MAGI1: variants seen among roughly 807,000 people sequenced by gnomAD.
MAGI1 encodes membrane-associated guanylate kinase, WW and PDZ domain-containing protein 1.
A neutral mutation model predicts 139.9 loss-of-function variants in MAGI1; 58 were observed. That is an observed-to-expected ratio of 0.41 (90% CI 0.34 to 0.52). The LOEUF (loss-of-function observed/expected upper bound fraction) is 0.52, where lower values mean the gene tolerates loss of function less well. Ranked by LOEUF, MAGI1 falls within the 20% of genes least tolerant of loss-of-function variation. MAGI1 has a pLI of 0.12. For synonymous variants in MAGI1, 812 were observed against 737.9 expected, an observed-to-expected ratio of 1.10 and a Z score of -1.63; for missense variants, 1,874 against 1,901.6, an observed-to-expected ratio of 0.99 and a Z score of 0.27.
chr3:65,791,556 G>T (rs1246046650), intron 1 of MAGI1, among the ~76,000 whole-genome samples: 2 of 152,180 alleles, frequency 1.3e-5, no homozygotes, highest in African/African-American at 4.8e-5. Context: ...AAGAGAAAGG[G>T]AGGGAGGAGA....
intron 14 of MAGI1, among the ~76,000 whole-genome samples, chr3:65,384,571 C>CA (rs1331726085): frequency 1.3e-5 from 2 of 151,940 alleles, no homozygotes; most frequent in African/African-American, 4.8e-5. Flanking sequence ...CTTGTCTCTA[C>CA]AAAAAATAAA....
At chr3:65,650,431 A>G (rs886980728) in intron 1 of MAGI1, among the ~76,000 whole-genome samples, 1 of 152,214 alleles carries the variant, frequency 6.6e-6, no homozygotes, top group African/African-American at 2.4e-5. Context: ...GCACATCCAT[A>G]TCATGGAATA....
At chr3:65,880,632 C>T (rs528834759) in intron 1 of MAGI1, among the ~76,000 whole-genome samples, 4 of 152,158 alleles carry the variant, frequency 2.6e-5, no homozygotes, top group Admixed American at 6.5e-5. Context: ...TAGCATTCCA[C>T]GCTTCAAACT....
intron 1 of MAGI1, among the ~76,000 whole-genome samples, chr3:65,919,599 GAAAC>G (rs1319904309): frequency 3.3e-5 from 5 of 149,956 alleles, no homozygotes; most frequent in Admixed American, 1.3e-4. Flanking sequence ...AAACAAAAAA[GAAAC>G]AAACAAAAAA....
At chr3:65,918,731 C>T (rs1388487198) in intron 1 of MAGI1, among the ~76,000 whole-genome samples, 17 of 152,034 alleles carry the variant, frequency 1.1e-4, no homozygotes, top group South Asian at 2.1e-4. Context: ...TTGTTTTCAT[C>T]CTATTGCTTG....
At chr3:65,393,697 T>A (rs927270862) in intron 13 of MAGI1, among the ~76,000 whole-genome samples, 2 of 152,188 alleles carry the variant, frequency 1.3e-5, no homozygotes, top group African/African-American at 2.4e-5. Flanking sequence ...CTCAAATTAA[T>A]AGATGCCAGA....
intron 1 of MAGI1, among the ~76,000 whole-genome samples, chr3:65,973,387 T>C (rs985172747): frequency 1.1e-4 from 17 of 152,156 alleles, no homozygotes; most frequent in African/African-American, 3.1e-4. Context: ...CTTTGGGTTG[T>C]ACACGATTTA....
At chr3:65,965,351 A>G (rs1174757751) in intron 1 of MAGI1, among the ~76,000 whole-genome samples, 1 of 152,234 alleles carries the variant, frequency 6.6e-6, no homozygotes, top group Non-Finnish European at 1.5e-5. Flanking sequence ...GTAATTAAAT[A>G]TATTTTAAAT....
At chr3:65,494,992 T>C (rs1952321641) in intron 2 of MAGI1, among the ~76,000 whole-genome samples, 1 of 152,220 alleles carries the variant, frequency 6.6e-6, no homozygotes. Flanking sequence ...AACCTTCAGG[T>C]TAAAAAGTCT....
At chr3:65,732,292 A>G (rs1366550358) in intron 1 of MAGI1, among the ~76,000 whole-genome samples, 1 of 152,176 alleles carries the variant, frequency 6.6e-6, no homozygotes, top group African/African-American at 2.4e-5. Context: ...TTTACAAGAC[A>G]TGAAAACTTG....
intron 1 of MAGI1, among the ~76,000 whole-genome samples, chr3:65,774,834 C>T (rs1417887181): frequency 6.6e-6 from 1 of 152,148 alleles, no homozygotes; most frequent in East Asian, 1.9e-4. Flanking sequence ...ACTAACTCGC[C>T]TTAGGCAATA....
intron 3 of MAGI1, among the ~76,000 whole-genome samples, chr3:65,485,074 C>G (rs1397888570): frequency 6.6e-6 from 1 of 152,138 alleles, no homozygotes; most frequent in African/African-American, 2.4e-5. Flanking sequence ...ACATGAATTC[C>G]AGCCTGGGAT....
intron 1 of MAGI1, among the ~76,000 whole-genome samples, chr3:65,939,324 A>C (rs2063202024): frequency 6.6e-6 from 1 of 152,200 alleles, no homozygotes; most frequent in South Asian, 2.1e-4. Context: ...CATTATTAAA[A>C]AATATACAAA....
intron 5 of MAGI1, among the ~76,000 whole-genome samples, chr3:65,461,834 G>T (rs1327435320): frequency 6.6e-6 from 1 of 152,138 alleles, no homozygotes; most frequent in African/African-American, 2.4e-5. Flanking sequence ...GCATGAGATG[G>T]TATCTCATTG....
At chr3:65,847,758 T>G (rs934531086) in intron 1 of MAGI1, among the ~76,000 whole-genome samples, 1 of 152,226 alleles carries the variant, frequency 6.6e-6, no homozygotes, top group Non-Finnish European at 1.5e-5. Context: ...AATGTGCTTT[T>G]GATGATGAAA....
At chr3:65,901,070 C>T (rs264677) in intron 1 of MAGI1, among the ~76,000 whole-genome samples, 37,316 of 152,126 alleles carry the variant, frequency 0.25, 4,727 homozygotes, top group East Asian at 0.29. Flanking sequence ...ACTGGATAAC[C>T]CTTACCTTGG....
At chr3:65,764,067 G>T (rs1307209141) in intron 1 of MAGI1, among the ~76,000 whole-genome samples, 1 of 132,508 alleles carries the variant, frequency 7.5e-6, no homozygotes, top group Non-Finnish European at 1.6e-5. Context: ...ACAAGACCCT[G>T]TCTCAAAAGA....
At chr3:65,390,102 A>G (rs11131014) in intron 14 of MAGI1, among the ~76,000 whole-genome samples, 147,564 of 152,288 alleles carry the variant, frequency 0.97, 71,673 homozygotes, top group East Asian at 1. Context: ...AAGTCTGTGT[A>G]GTGGACGGGA....
chr3:66,015,190 A>AC (rs1482399004), intron 1 of MAGI1, among the ~76,000 whole-genome samples: 1 of 151,968 alleles, frequency 6.6e-6, no homozygotes, highest in African/African-American at 2.4e-5. Context: ...AAAAAAAAAA[A>AC]AAAAAAATCT....
Sources: allele counts gnomAD v4.1 joint callset (sites outside exome capture counted in the v4.1 genomes callset), GRCh38; gene constraint gnomAD v4.1.1; transcripts MANE v1.5; gene names NCBI Gene and HGNC (gene_info 2026-07-23, HGNC 2026-07-21).